Variants in SH3BP2 observed in about 807,000 individuals in gnomAD.
SH3BP2 encodes SH3 domain binding protein 2, also known as SH3 domain-binding protein 2.
SH3BP2 carries 38 observed loss-of-function variants against 56.2 expected under a neutral mutation model. That is an observed-to-expected ratio of 0.68 (90% confidence interval 0.52 to 0.89). The LOEUF is 0.89. Ranked by LOEUF, SH3BP2 falls within the 40% of genes least tolerant of loss-of-function variation. The pLI is 0.00. For synonymous variants in SH3BP2, 346 were observed against 316.7 expected, an observed-to-expected ratio of 1.09 and a Z score of -0.98; for missense variants, 748 against 762.6, an observed-to-expected ratio of 0.98 and a Z score of 0.23.
At chr4:2,825,506 GCA>G (rs148968683) in intron 5 of SH3BP2, among the ~76,000 whole-genome samples, 14 of 150,080 alleles carry the variant, frequency 9.3e-5, no homozygotes, top group South Asian at 2.1e-4. Flanking sequence ...ACGTGGACAT[GCA>G]CACACACACA....
rs773074039 is a variant in SH3BP2, at chr4:2,829,765, ACC to A, written c.860_861del (p.Thr287SerfsTer45). The A allele has an allele frequency of 1.4e-5, 23 of 1,612,654 alleles. No individual in the cohort carries two copies. The part of the protein sequence containing the change: ...MSDPPLSTMP[T>X]APGLRKPPCF... ...CGATCCCCCTCTGAGCACCATGCCC[ACC>A]GCACCCGGCCTCCGGAAACCCCCTT... On this transcript the variant is annotated frameshift_variant, in exon 8 of 13. Coordinates refer to ENST00000503393, the MANE Select transcript of SH3BP2 (RefSeq NM_001122681.2). LOFTEE classifies it high-confidence loss of function. This position sits in a 1 kb window ranked among gnomAD's most constrained non-coding sequence, Gnocchi z 4.9.
chr4:2,811,268 G>C (rs1723738043), intron 1 of SH3BP2, among the ~76,000 whole-genome samples: 1 of 152,240 alleles, frequency 6.6e-6, no homozygotes, highest in South Asian at 2.1e-4. Flanking sequence ...CTGGGGTCCA[G>C]GGTTTGTTGG....
At chr4:2,804,640 C>T (rs1413031542) in intron 1 of SH3BP2, among the ~76,000 whole-genome samples, 1 of 152,214 alleles carries the variant, frequency 6.6e-6, no homozygotes, top group Non-Finnish European at 1.5e-5. Context: ...AGCCCTGCCC[C>T]CTCCACAGAG....
intron 7 of SH3BP2, among the ~76,000 whole-genome samples, 200 bp downstream of exon 7, chr4:2,827,874 C>G (rs1307634685): frequency 6.6e-6 from 1 of 152,174 alleles, no homozygotes; most frequent in Non-Finnish European, 1.5e-5. Context: ...ATTTCCTCCT[C>G]CCACCTCCCA....
chr4:2,830,787 T>G (rs1724942816), intron 8 of SH3BP2, among the ~76,000 whole-genome samples: 1 of 152,244 alleles, frequency 6.6e-6, no homozygotes. Context: ...CTGCCTTGCC[T>G]GGCAGGCAAA....
chr4:2,812,109 G>T, intron 1 of SH3BP2: 2 of 1,238,302 alleles, frequency 1.6e-6, no homozygotes, highest in South Asian at 1.6e-5. Context: ...GGATGGGAGG[G>T]CAGGAGCAGT....
intron 8 of SH3BP2, among the ~76,000 whole-genome samples, chr4:2,830,986 G>A (rs1321064867): frequency 2.0e-5 from 3 of 152,264 alleles, no homozygotes; most frequent in Non-Finnish European, 4.4e-5. Flanking sequence ...AAGGGCTGCA[G>A]AGATGCAGAT....
At chr4:2,832,969 C>T (rs1725077220) in intron 11 of SH3BP2, 21 bp from the exon 12 acceptor site, 2 of 1,613,516 alleles carry the variant, frequency 1.2e-6, no homozygotes, top group Non-Finnish European at 1.7e-6. Context: ...GAGCCGTCAG[C>T]CTCCCGCTTC....
intron 1 of SH3BP2, among the ~76,000 whole-genome samples, chr4:2,811,013 G>A (rs1259754888): frequency 6.6e-6 from 1 of 152,230 alleles, no homozygotes; most frequent in Non-Finnish European, 1.5e-5. Context: ...GCACAGGCTG[G>A]GGACGCCAGG....
chr4:2,825,184 C>A lies in SH3BP2; in HGVS notation c.416C>A (p.Pro139His). 6.3e-7 allele frequency: 1 copy of A among 1,581,302 alleles called. No homozygotes were observed. The highest frequency in any genetic ancestry group is 8.6e-7 in the Non-Finnish European group (1 of 1,163,468). The change falls in exon 5 of 13, where the codon CCC becomes CAC. Residue 139 changes from proline (P) to histidine (H), a missense_variant. Physicochemically the swap from Pro to His is moderately conservative, Grantham distance 77. Transcript: ENST00000503393. ...IGHFHEKKDL[P>H]LDTSDSSSDT... ...CACTTCCACGAAAAGAAAGACCTGC[C>A]CTTGGACACCAGGTGAGCCCGGGCC...
chr4:2,798,454 C>T (rs939065665), intron 1 of SH3BP2: 1 of 152,286 alleles, frequency 6.6e-6, no homozygotes, highest in African/African-American at 2.4e-5. Flanking sequence ...GGGTACACAG[C>T]CCTGCATGGA....
At chr4:2,832,012 C>G (rs368316996) in intron 10 of SH3BP2, 34 bp downstream of exon 10, 3 of 1,606,120 alleles carry the variant, frequency 1.9e-6, no homozygotes, top group Non-Finnish European at 2.6e-6. Flanking sequence ...CTGGGTCCTC[C>G]GCCATGCCCG....
chr4:2,829,445 T>G lies in SH3BP2; in HGVS notation c.587-48T>G. The G allele has an allele frequency of 6.2e-7, 1 of 1,601,188 alleles. No individual in the cohort carries two copies. Among genetic ancestry groups the G allele is most frequent in the South Asian group, 1.1e-5 (1 of 90,814 alleles). The stretch of plus-strand genomic sequence containing the variant: ...TGACCACTGCCAGCAGAGGATAGTG[T>G]TGGCCCAGTCTCTGTCAGGGTCCAA... On this transcript the variant is annotated intron_variant, in intron 7 of 12. Transcript: ENST00000503393. The surrounding 1 kb of genome is among the most constrained non-coding windows in gnomAD (Gnocchi z 4.9).
chr4:2,840,234 C>CAAAAAAAAA lies in SH3BP2; in HGVS notation c.*6412_*6420dup, dbSNP rs568332811. On this transcript the variant is annotated 3_prime_UTR_variant, in exon 13 of 13. Transcript: ENST00000503393. ...AGTGAGACCCTATCTCAAAAAAAAC[C>CAAAAAAAAA]AAAAAAAAAAAAAAAAAAAAGAAAA... The CAAAAAAAAA allele has an allele frequency of 4.8e-5, 4 of 82,820 alleles. No homozygotes were observed. Among genetic ancestry groups the CAAAAAAAAA allele is most frequent in the East Asian group, 3.4e-4 (1 of 2,964 alleles). 5.1% of individuals were successfully genotyped at this position (82,820 alleles called of 1,614,324 possible).
intron 5 of SH3BP2, 57 bp downstream of exon 5, chr4:2,825,253 G>A (rs1263575467): frequency 1.4e-6 from 2 of 1,409,786 alleles, no homozygotes; most frequent in Non-Finnish European, 2.0e-6. Context: ...GCCTGGGCCT[G>A]ACCCGGGTGT....
intron 1 of SH3BP2, among the ~76,000 whole-genome samples, chr4:2,805,008 C>T (rs1478446447): frequency 6.6e-6 from 1 of 152,232 alleles, no homozygotes; most frequent in Non-Finnish European, 1.5e-5. Flanking sequence ...CCTGCCCCTC[C>T]CTTGGTCCAG....
chr4:2,818,211 AGGGCCGGCGGGCATGGCGGGCTCC>A, intron 1 of SH3BP2: 9 of 986,926 alleles, frequency 9.1e-6, no homozygotes, highest in Non-Finnish European at 1.1e-5. Flanking sequence ...CTGCCAGGCC[AGGGCCGGCGGGCATGGCGGGCTCC>A]GGGCCGCGGC....
At chr4:2,818,520 G>A in intron 1 of SH3BP2, 1 of 544,902 alleles carries the variant, frequency 1.8e-6, no homozygotes, top group Non-Finnish European at 2.5e-6. Context: ...CGCGCTTCTT[G>A]GGGGAACAAA....
At position 2,829,421 on chromosome 4, in the gene SH3BP2, G is replaced by T; in HGVS notation, c.587-72G>T. 6.5e-7 allele frequency: 1 copy of T among 1,544,868 alleles called. No homozygotes were observed. Among genetic ancestry groups the T allele is most frequent in the South Asian group, 1.1e-5 (1 of 89,708 alleles). On this transcript the variant is annotated intron_variant, in intron 7 of 12. Coordinates refer to ENST00000503393, the MANE Select transcript of SH3BP2 (RefSeq NM_001122681.2). This position sits in a 1 kb window ranked among gnomAD's most constrained non-coding sequence, Gnocchi z 4.9. ...GGTTGCACTCCTGGTTGGCCTGGCT[G>T]ACCACTGCCAGCAGAGGATAGTGTT...
Sources: allele counts gnomAD v4.1 joint callset (sites outside exome capture counted in the v4.1 genomes callset), GRCh38; gene constraint gnomAD v4.1.1; non-coding constraint Gnocchi (gnomAD v3.1); transcripts MANE v1.5; gene names NCBI Gene and HGNC (gene_info 2026-07-23, HGNC 2026-07-21).